Variants in DDX60 observed in about 807,000 individuals in gnomAD.
DDX60 encodes the protein DExD/H-box helicase 60, also known as probable ATP-dependent RNA helicase DDX60.
In DDX60, 165 loss-of-function variants were observed where a neutral mutation model predicts 212.8. That is an observed-to-expected ratio of 0.78 (90% CI 0.68 to 0.88). DDX60 has a LOEUF of 0.88. DDX60 is among the 40% of genes least tolerant of loss of function. The pLI is 0.00. For synonymous variants in DDX60, 703 were observed against 685.3 expected (o/e 1.03, Z -0.40); for missense variants, 1,905 against 2,003.9 (o/e 0.95, Z 0.94).
At chr4:168,239,136 A>G (rs1733745311) in intron 30 of DDX60, among the ~76,000 whole-genome samples, 1 of 152,182 alleles carries the variant, frequency 6.6e-6, no homozygotes, top group Admixed American at 6.5e-5. Context: ...GTAAATATTT[A>G]CTGAATGTCT....
intron 12 of DDX60, 36 bp from the exon 13 acceptor site, chr4:168,283,642 T>C (rs756320109): frequency 3.8e-5 from 58 of 1,508,744 alleles, no homozygotes; most frequent in Middle Eastern, 3.5e-4. Context: ...AACTTTATTG[T>C]AGTTTTTCAA....
chr4:168,287,129 T>C lies in DDX60; in HGVS notation c.1258A>G (p.Arg420Gly). ...YLWNTVSKLV[R>G]DFEVGQPFPL... ...AATGGCTGTCCAACCTCAAAGTCTC[T>C]GACCAACTTTGATACGGTATTCCAG... The change falls in exon 10 of 38, where the codon AGA becomes GGA. Residue 420 changes from arginine (R) to glycine (G), a missense_variant. Transcript: ENST00000393743. 6.2e-7 allele frequency: 1 copy of C among 1,612,466 alleles called. No homozygotes were observed. Among genetic ancestry groups the C allele is most frequent in the Admixed American group, 1.7e-5 (1 of 59,654 alleles).
intron 37 of DDX60, among the ~76,000 whole-genome samples, chr4:168,217,657 G>C (rs908827180): frequency 6.6e-6 from 1 of 152,160 alleles, no homozygotes; most frequent in African/African-American, 2.4e-5. Flanking sequence ...TATCTGGGCA[G>C]GTTCAGTGTG....
intron 6 of DDX60, among the ~76,000 whole-genome samples, chr4:168,297,378 GAAAGAGAAAGAAAGAAAGA>G (rs1736441281): frequency 1.9e-5 from 1 of 53,876 alleles, no homozygotes; most frequent in East Asian, 3.4e-4. Context: ...AAGAAAGAAA[GAAAGAGAAAGAAAGAAAGA>G]AAGAAAGACA....
At chr4:168,320,424 G>A (rs1229094395), upstream of DDX60, among the ~76,000 whole-genome samples, 3 of 152,206 alleles carry the variant, frequency 2.0e-5, no homozygotes, top group South Asian at 2.1e-4. Context: ...GGGCCAAGGA[G>A]TCTGGTGGTC....
intron 1 of DDX60, among the ~76,000 whole-genome samples, chr4:168,313,201 T>C (rs1737217222): frequency 6.6e-6 from 1 of 152,202 alleles, no homozygotes; most frequent in Non-Finnish European, 1.5e-5. Context: ...TCCTGTGTTC[T>C]GAGGTTTCAA....
intron 6 of DDX60, among the ~76,000 whole-genome samples, chr4:168,300,823 C>T (rs891347182): frequency 6.6e-6 from 1 of 152,138 alleles, no homozygotes; most frequent in African/African-American, 2.4e-5. Context: ...TTAACATATT[C>T]TATGGCTACA....
At chr4:168,276,818 G>A (rs1310327411) in intron 14 of DDX60, among the ~76,000 whole-genome samples, 2 of 152,184 alleles carry the variant, frequency 1.3e-5, no homozygotes, top group Non-Finnish European at 2.9e-5. Context: ...AATACAGTAA[G>A]AGGCTACAAA....
chr4:168,309,908 T>C (rs1032701568), intron 3 of DDX60, among the ~76,000 whole-genome samples: 1 of 152,178 alleles, frequency 6.6e-6, no homozygotes, highest in African/African-American at 2.4e-5. Context: ...CTCTACTGTA[T>C]TGTGTAAAGG....
intron 33 of DDX60, among the ~76,000 whole-genome samples, chr4:168,228,906 C>T (rs1195222371): frequency 6.6e-6 from 1 of 151,996 alleles, no homozygotes; most frequent in Non-Finnish European, 1.5e-5. Context: ...ACGAATATTT[C>T]CTACAAGTGT....
intron 13 of DDX60, among the ~76,000 whole-genome samples, chr4:168,282,931 C>T (rs1735656089): frequency 6.6e-6 from 1 of 152,048 alleles, no homozygotes; most frequent in African/African-American, 2.4e-5. Flanking sequence ...AGAAAAATGA[C>T]ATCCCAAGAA....
chr4:168,280,768 A>C (rs933723814), intron 13 of DDX60, among the ~76,000 whole-genome samples, 178 bp from the exon 14 acceptor site: 1 of 152,212 alleles, frequency 6.6e-6, no homozygotes, highest in Non-Finnish European at 1.5e-5. Context: ...TTATAACTTA[A>C]GACAATTTAA....
At chr4:168,236,467 G>A in intron 32 of DDX60, 94 bp from the exon 33 acceptor site, 16 of 1,138,522 alleles carry the variant, frequency 1.4e-5, no homozygotes, top group South Asian at 5.2e-5. Flanking sequence ...TTAATTTCAT[G>A]GAAACTAAAA....
At chr4:168,266,188 C>T (rs1734841041) in intron 22 of DDX60, among the ~76,000 whole-genome samples, 1 of 152,196 alleles carries the variant, frequency 6.6e-6, no homozygotes, top group Non-Finnish European at 1.5e-5. Context: ...CTATGCCTCA[C>T]TTTCCTCATT....
intron 9 of DDX60, 64 bp from the exon 10 acceptor site, chr4:168,287,267 T>C: frequency 1.4e-6 from 2 of 1,406,204 alleles, no homozygotes; most frequent in Non-Finnish European, 2.0e-6. Flanking sequence ...GAATCATTAG[T>C]CACATTTTGA....
At position 168,311,038 on chromosome 4, in the gene DDX60, C is replaced by T. The variant is rs994149857; in HGVS notation, c.34G>A (p.Glu12Lys). 1.2e-5 allele frequency: 19 copies of T among 1,581,728 alleles called. 1 individual carries two copies. The highest frequency in any genetic ancestry group is 1.2e-4 in the Admixed American group (7 of 59,216). The change falls in exon 3 of 38, where the codon GAA becomes AAA. Residue 12 changes from glutamate (E) to lysine (K), a missense_variant. By Grantham distance (56) the Glu-to-Lys change is moderately conservative. Transcript: ENST00000393743. ...TCATTCAAAATTAACTGGGACATTT[C>T]CTGTGAAAATGTTGTAAGAACATTT... ...ERNVLTTFSQEMSQLILNEMP... is the reference protein window; with the variant it reads ...ERNVLTTFSQKMSQLILNEMP...
At chr4:168,295,743 C>T (rs975036771) in intron 6 of DDX60, among the ~76,000 whole-genome samples, 2 of 152,104 alleles carry the variant, frequency 1.3e-5, no homozygotes, top group Admixed American at 6.5e-5. Context: ...ACAATCAAGA[C>T]GTGGATCAAC....
chr4:168,301,879 AG>A (rs1736662127), intron 6 of DDX60, among the ~76,000 whole-genome samples: 3 of 152,256 alleles, frequency 2.0e-5, no homozygotes, highest in Non-Finnish European at 4.4e-5. Context: ...GGATGTACTG[AG>A]GACCCAAGAT....
chr4:168,273,855 C>A (rs1446320679), intron 17 of DDX60, 79 bp downstream of exon 17: 2 of 1,501,578 alleles, frequency 1.3e-6, no homozygotes, highest in African/African-American at 2.8e-5. Flanking sequence ...TGAACTAGAT[C>A]TACCATGTGA....
Sources: gnomAD v4.1 joint callset for allele counts (sites outside exome capture counted in the v4.1 genomes callset) on GRCh38, gnomAD v4.1.1 for gene constraint, MANE v1.5 for transcripts, NCBI Gene and HGNC (gene_info 2026-07-23, HGNC 2026-07-21) for gene names.